The following THSD4 variants were observed in gnomAD, a reference collection of about 807,000 sequenced individuals.
The protein encoded by THSD4 is thrombospondin type-1 domain-containing protein 4.
A neutral mutation model predicts 119.0 loss-of-function variants in THSD4; 69 were observed. The observed-to-expected ratio is 0.58, with a 90% CI of 0.48 to 0.71. THSD4 has a LOEUF of 0.71. Ranked by LOEUF, THSD4 falls within the 30% of genes least tolerant of loss-of-function variation. The pLI is 0.00. For missense variants in THSD4, 1,393 were observed against 1,391.1 expected (o/e 1.00, Z -0.02); for synonymous variants, 524 against 540.4 (o/e 0.97, Z 0.42).
At chr15:71,199,475 T>G (rs1198301903) in intron 3 of THSD4, among the ~76,000 whole-genome samples, 32 of 66,916 alleles carry the variant, frequency 4.8e-4, no homozygotes, top group Admixed American at 8.6e-4. Flanking sequence ...GTGTGTGTGG[T>G]GTGTGTGTGT....
At chr15:71,716,454 A>C (rs780172752) in intron 8 of THSD4, among the ~76,000 whole-genome samples, 7 of 152,150 alleles carry the variant, frequency 4.6e-5, no homozygotes, top group Non-Finnish European at 8.8e-5. Flanking sequence ...CTACAGTGCA[A>C]TCGTGCTGTA....
At chr15:71,647,735 TA>T (rs1381912035) in intron 7 of THSD4, among the ~76,000 whole-genome samples, 1 of 152,138 alleles carries the variant, frequency 6.6e-6, no homozygotes, top group African/African-American at 2.4e-5. Flanking sequence ...GTTTTGGATC[TA>T]GGAATTTGTT....
At chr15:71,266,095 C>T (rs186792888) in intron 6 of THSD4, among the ~76,000 whole-genome samples, 485 of 152,366 alleles carry the variant, frequency 3.2e-3, no homozygotes, top group African/African-American at 4.0e-3. Context: ...CCCATCACAG[C>T]GCTCAAGCTC....
intron 6 of THSD4, among the ~76,000 whole-genome samples, chr15:71,308,778 A>G (rs187395183): frequency 8.8e-4 from 134 of 152,356 alleles, no homozygotes; most frequent in African/African-American, 3.1e-3. Context: ...GCCCAGCCAT[A>G]GGATAACTCC....
At chr15:71,162,842 C>T (rs1223094678) in intron 3 of THSD4, among the ~76,000 whole-genome samples, 2 of 151,694 alleles carry the variant, frequency 1.3e-5, no homozygotes. Flanking sequence ...TTTTTTCCTT[C>T]TGACTGGGTT....
chr15:71,245,115 G>A (rs2036829440), intron 5 of THSD4, among the ~76,000 whole-genome samples: 1 of 152,174 alleles, frequency 6.6e-6, no homozygotes. Context: ...TTCTCGTGAG[G>A]TCATGGTGTC....
rs1298805013 is a variant in THSD4 at position 71,450,920 on chromosome 15, G to A, written c.1152+39097G>A. The stretch of plus-strand genomic sequence containing the variant: ...GAGCCGGGCGTGGCGGCATACTCCT[G>A]TAATCTCAGCACTTTGGGAGGCCAG... On this transcript the variant is annotated intron_variant, in intron 7 of 17. Coordinates refer to ENST00000261862, the MANE Select transcript of THSD4 (RefSeq NM_024817.3). Among the ~76,000 whole-genome samples, 49 of 152,124 alleles carry A rather than the reference G, an allele frequency of 3.2e-4. 2 individuals are homozygous for A. Among genetic ancestry groups the A allele is most frequent in the Admixed American group, 3.1e-3 (48 of 15,286 alleles).
chr15:71,222,731 T>C, intron 4 of THSD4, among the ~76,000 whole-genome samples: 1 of 152,156 alleles, frequency 6.6e-6, no homozygotes. Flanking sequence ...TGAGGAAAAC[T>C]CTTGCCCAGG....
intron 8 of THSD4, among the ~76,000 whole-genome samples, chr15:71,707,429 T>G (rs1567111430): frequency 6.6e-6 from 1 of 152,154 alleles, no homozygotes; most frequent in African/African-American, 2.4e-5. Flanking sequence ...GTCCAAATAT[T>G]TTAATTAAAC....
chr15:71,428,132 C>G (rs1337585090), intron 7 of THSD4, among the ~76,000 whole-genome samples: 5 of 152,148 alleles, frequency 3.3e-5, no homozygotes, highest in African/African-American at 9.7e-5. Flanking sequence ...ACTTCTACCC[C>G]AACCCACCAC....
At chr15:71,300,002 T>TATATATATATATATATATATA (rs2044926604) in intron 6 of THSD4, among the ~76,000 whole-genome samples, 3 of 141,252 alleles carry the variant, frequency 2.1e-5, no homozygotes, top group Admixed American at 7.1e-5. Flanking sequence ...TATATATATA[T>TATATATATATATATATATATA]TAGCCATGGG....
At chr15:71,737,568 G>A (rs574338060) in intron 10 of THSD4, among the ~76,000 whole-genome samples, 164 bp from the exon 11 acceptor site, 1 of 152,330 alleles carries the variant, frequency 6.6e-6, no homozygotes, top group South Asian at 2.1e-4. Context: ...GCATGTGAGG[G>A]AAAGCACTAG....
chr15:71,705,924 G>T (rs1335721191), intron 8 of THSD4, among the ~76,000 whole-genome samples: 2 of 152,190 alleles, frequency 1.3e-5, no homozygotes, highest in Non-Finnish European at 2.9e-5. Context: ...AGTTGGGGTG[G>T]CAGGGAGAGA....
chr15:71,476,481 A>C (rs530663398), intron 7 of THSD4, among the ~76,000 whole-genome samples: 1 of 152,222 alleles, frequency 6.6e-6, no homozygotes, highest in South Asian at 2.1e-4. Flanking sequence ...ACCTCAAGTG[A>C]TCCACCCACC....
chr15:71,419,622 A>G (rs2046789260), intron 7 of THSD4, among the ~76,000 whole-genome samples: 1 of 108,496 alleles, frequency 9.2e-6, no homozygotes, highest in African/African-American at 3.1e-5. Flanking sequence ...AAGTATAAAC[A>G]TCCCTCTTAG....
chr15:71,618,083 A>G (rs2050351173), intron 7 of THSD4, among the ~76,000 whole-genome samples: 1 of 152,230 alleles, frequency 6.6e-6, no homozygotes, highest in Non-Finnish European at 1.5e-5. Context: ...CAGTCATGGA[A>G]AGATCTAAAA....
rs959548907 is a variant in THSD4, at chr15:71,589,630, T to C, written c.1153-70900T>C. Among the ~76,000 whole-genome samples the C allele has an allele frequency of 3.6e-5, 5 of 139,622 alleles. 1 individual carries two copies. Among genetic ancestry groups the C allele is most frequent in the African/African-American group, 1.3e-4 (5 of 39,910 alleles). The allele number at this position is 139,622 out of a possible 152,430, so 91.6% of individuals were successfully genotyped here. On this transcript the variant is annotated intron_variant, in intron 7 of 17. Transcript: ENST00000261862. ...GCCTCAGCCTCCCAAAGTGCTGATA[T>C]TACAGGCATGAGCCACTACACTTGG...
rs147544083 is a variant in THSD4, at chr15:71,183,587, A to G, written c.99+28655A>G. Reference sequence around the variant, plus strand: ...TTGTCTGACTCATAGTAAATACTATATAGGTGGTGGTGTTACTGTTGTTGC... The same window carrying G: ...TTGTCTGACTCATAGTAAATACTATGTAGGTGGTGGTGTTACTGTTGTTGC... On this transcript the variant is annotated intron_variant, in intron 3 of 17. Coordinates refer to ENST00000261862, the MANE Select transcript of THSD4 (RefSeq NM_024817.3). Among the ~76,000 whole-genome samples the G allele has an allele frequency of 1.3e-3, 195 of 151,844 alleles. 1 individual carries two copies. Among genetic ancestry groups the G allele is most frequent in the African/African-American group, 4.5e-3 (187 of 41,526 alleles).
chr15:71,377,812 C>T (rs1174357325), intron 6 of THSD4, among the ~76,000 whole-genome samples: 1 of 150,324 alleles, frequency 6.7e-6, no homozygotes, highest in Non-Finnish European at 1.5e-5. Flanking sequence ...AAGTCCTGTT[C>T]TTTCCTGCTT....
Sources: allele counts gnomAD v4.1 joint callset (sites outside exome capture counted in the v4.1 genomes callset), GRCh38; gene constraint gnomAD v4.1.1; transcripts MANE v1.5; gene names NCBI Gene and HGNC (gene_info 2026-07-23, HGNC 2026-07-21).